The following MBNL1 variants were observed in gnomAD, a reference collection of about 807,000 sequenced individuals.
The protein encoded by MBNL1 is muscleblind-like protein 1.
A neutral mutation model predicts 42.2 loss-of-function variants in MBNL1; 8 were observed. The observed-to-expected ratio is 0.19, with a 90% confidence interval of 0.11 to 0.34. MBNL1 has a LOEUF of 0.34. MBNL1 is among the 10% of genes least tolerant of loss of function. The probability of loss-of-function intolerance (pLI) is 1.00; values close to 1 mark genes in which losing one functional copy is unlikely to be tolerated. For missense variants in MBNL1, 309 were observed against 495.3 expected (o/e 0.62, Z 3.57); for synonymous variants, 169 against 173.9 (o/e 0.97, Z 0.22).
At chr3:152,427,722 T>A (rs557350662) in intron 3 of MBNL1, among the ~76,000 whole-genome samples, 151 of 151,328 alleles carry the variant, frequency 1.0e-3, no homozygotes, top group African/African-American at 2.4e-3. Flanking sequence ...TTAAAAAAAA[T>A]TTTTTTATAT....
intron 4 of MBNL1, among the ~76,000 whole-genome samples, chr3:152,433,609 G>A (rs1025996445): frequency 6.6e-6 from 1 of 151,972 alleles, no homozygotes; most frequent in Non-Finnish European, 1.5e-5. Context: ...AATTAGTCGG[G>A]CGTGGTAGCG....
In MBNL1 at chr3:152,269,488, C is replaced by G. The variant is rs16864118; in HGVS notation, c.-790+396C>G. ...CCTCTGAGTCGAGCGGCGCGCGGGT[C>G]TTCCCGGCGGCTCCCGCATCCCTGG... On this transcript the variant is annotated intron_variant, in intron 1 of 9. Transcript: ENST00000324210. 1,150 of 454,716 alleles carry G rather than the reference C, an allele frequency of 2.5e-3. 13 individuals carry two copies. The highest frequency in any genetic ancestry group is 0.022 in the African/African-American group (1,096 of 50,046). The allele number at this position is 454,716 out of a possible 1,614,324, so 28.2% of individuals were successfully genotyped here.
chr3:152,318,961 T>G (rs1346119676), intron 2 of MBNL1, among the ~76,000 whole-genome samples: 1 of 152,170 alleles, frequency 6.6e-6, no homozygotes, highest in Non-Finnish European at 1.5e-5. Context: ...CTAACCTTAT[T>G]TTTATTTGTA....
At chr3:152,434,099 T>C (rs2099046350) in intron 4 of MBNL1, among the ~76,000 whole-genome samples, 1 of 152,226 alleles carries the variant, frequency 6.6e-6, no homozygotes, top group Non-Finnish European at 1.5e-5. Context: ...GGTTTTTATA[T>C]AGGTAAACTT....
chr3:152,270,731 T>A (rs558585880), intron 1 of MBNL1, among the ~76,000 whole-genome samples: 1 of 152,246 alleles, frequency 6.6e-6, no homozygotes, highest in Non-Finnish European at 1.5e-5. Flanking sequence ...CAACTAAGGC[T>A]AAACTTCTTT....
intron 2 of MBNL1, among the ~76,000 whole-genome samples, chr3:152,244,851 A>G (rs2032526502): frequency 6.6e-6 from 1 of 152,048 alleles, no homozygotes; most frequent in Non-Finnish European, 1.5e-5. Flanking sequence ...TTATTAGTTG[A>G]GCACTTTCCA....
intron 2 of MBNL1, among the ~76,000 whole-genome samples, chr3:152,329,396 G>A (rs973272608): frequency 6.6e-6 from 1 of 151,902 alleles, no homozygotes; most frequent in Non-Finnish European, 1.5e-5. Flanking sequence ...CTGAGGCCAA[G>A]GCAGGAGATT....
At chr3:152,320,683 C>CTT (rs528500683) in intron 2 of MBNL1, among the ~76,000 whole-genome samples, 136 of 129,054 alleles carry the variant, frequency 1.1e-3, no homozygotes, top group African/African-American at 3.4e-3. Flanking sequence ...TTTTTTCTTT[C>CTT]TTTTTTTTTT....
At chr3:152,279,748 C>T (rs1239375414) in intron 1 of MBNL1, among the ~76,000 whole-genome samples, 2 of 152,110 alleles carry the variant, frequency 1.3e-5, no homozygotes, top group African/African-American at 2.4e-5. Flanking sequence ...TGTACTTTCT[C>T]ACCAATAGTA....
intron 2 of MBNL1, chr3:152,338,224 T>G (rs561761813): frequency 4.1e-6 from 4 of 985,304 alleles, no homozygotes; most frequent in Admixed American, 6.2e-5. Context: ...CTTCTTGTGT[T>G]CTGGCGGGAA....
Position 152,465,713 on chromosome 3 carries a change from A to C in MBNL1, c.*3347A>C, listed in dbSNP as rs1750257589. ...TTTATGCTTATTTTATTATTACTGC[A>C]GTAGTTGACTTTGCTGTATGGAAAA... On this transcript the variant is annotated 3_prime_UTR_variant, in exon 10 of 10. Coordinates refer to ENST00000324210, the MANE Select transcript of MBNL1 (RefSeq NM_021038.5). 6.6e-6 allele frequency: 1 copy of C among 152,552 alleles called. No individual in the cohort carries two copies. Among genetic ancestry groups the C allele is most frequent in the Non-Finnish European group, 1.5e-5 (1 of 68,038 alleles). The allele number at this position is 152,552 out of a possible 1,614,324, so 9.4% of individuals were successfully genotyped here. A position where few individuals can be genotyped will look rare whatever the true frequency, so the allele number is the denominator to read the frequency against.
chr3:152,286,403 TA>T (rs985417672), intron 1 of MBNL1, among the ~76,000 whole-genome samples: 124 of 137,686 alleles, frequency 9.0e-4, no homozygotes, highest in African/African-American at 3.0e-3. Flanking sequence ...TTATTTATAA[TA>T]TAAATATTTA....
intron 2 of MBNL1, among the ~76,000 whole-genome samples, chr3:152,246,086 A>C (rs1439154412): frequency 6.6e-6 from 1 of 152,174 alleles, no homozygotes; most frequent in South Asian, 2.1e-4. Context: ...TCTGTCTCTA[A>C]AAATATAAAA....
chr3:152,415,859 C>A (rs1320858307), intron 3 of MBNL1, among the ~76,000 whole-genome samples: 2 of 152,126 alleles, frequency 1.3e-5, no homozygotes, highest in Non-Finnish European at 2.9e-5. Context: ...CTTTAATAAT[C>A]TCTATTCATA....
At chr3:152,406,304 CA>C (rs1186177814) in intron 2 of MBNL1, among the ~76,000 whole-genome samples, 2 of 152,152 alleles carry the variant, frequency 1.3e-5, no homozygotes, top group African/African-American at 4.8e-5. Flanking sequence ...AGCATCCCAT[CA>C]CAAGCAACTC....
At chr3:152,274,130 C>G (rs1045114907) in intron 1 of MBNL1, among the ~76,000 whole-genome samples, 6 of 152,124 alleles carry the variant, frequency 3.9e-5, no homozygotes, top group Non-Finnish European at 5.9e-5. Context: ...GTATTTGACA[C>G]TGGATTTTTT....
At chr3:152,422,324 T>A (rs1296391112) in intron 3 of MBNL1, among the ~76,000 whole-genome samples, 1 of 149,086 alleles carries the variant, frequency 6.7e-6, no homozygotes, top group Non-Finnish European at 1.5e-5. Flanking sequence ...AAACAGACTT[T>A]AAACCAACCA....
At chr3:152,269,322 T>A in intron 1 of MBNL1, 1 of 349,006 alleles carries the variant, frequency 2.9e-6, no homozygotes, top group Non-Finnish European at 5.6e-6. Context: ...CCGCGGGCTC[T>A]GCGGACGCTG....
At chr3:152,442,460 A>G (rs146261130) in intron 4 of MBNL1, among the ~76,000 whole-genome samples, 16 of 152,354 alleles carry the variant, frequency 1.1e-4, no homozygotes, top group African/African-American at 3.8e-4. Flanking sequence ...AGAAAAATGA[A>G]CCACAGTGTT....
Sources: allele counts gnomAD v4.1 joint callset (sites outside exome capture counted in the v4.1 genomes callset), GRCh38; gene constraint gnomAD v4.1.1; transcripts MANE v1.5; gene names NCBI Gene and HGNC (gene_info 2026-07-23, HGNC 2026-07-21).